The following GHR variants were observed in gnomAD, a reference collection of about 807,000 sequenced individuals.
GHR encodes the protein growth hormone receptor.
GHR carries 35 observed loss-of-function variants against 67.1 expected under a neutral mutation model. That is an observed-to-expected ratio of 0.52 (90% CI 0.40 to 0.69). The LOEUF (loss-of-function observed/expected upper bound fraction) is 0.69. Among genes scored for constraint, GHR ranks in the 30% least tolerant of loss-of-function variants. The pLI is 0.00. For synonymous variants in GHR, 272 were observed against 269.1 expected (o/e 1.01, Z -0.10); for missense variants, 792 against 764.6 (o/e 1.04, Z -0.42).
intron 1 of GHR, among the ~76,000 whole-genome samples, chr5:42,478,392 TTAAAG>T (rs1401248503): frequency 1.3e-5 from 2 of 152,150 alleles, no homozygotes; most frequent in African/African-American, 4.8e-5. Flanking sequence ...CATATGAACT[TTAAAG>T]TAGTTTTTTC....
intron 2 of GHR, among the ~76,000 whole-genome samples, chr5:42,625,166 A>C (rs1180785919): frequency 6.6e-6 from 1 of 152,090 alleles, no homozygotes; most frequent in Non-Finnish European, 1.5e-5. Context: ...GGGGCAGGTG[A>C]ATTGGACTCA....
At chr5:42,476,097 G>A (rs964618938) in intron 1 of GHR, among the ~76,000 whole-genome samples, 2 of 151,926 alleles carry the variant, frequency 1.3e-5, no homozygotes, top group African/African-American at 2.4e-5. Context: ...ATAGAGACGC[G>A]GTTTCACCGT....
chr5:42,470,453 T>C (rs1744964655), intron 1 of GHR, among the ~76,000 whole-genome samples: 1 of 152,116 alleles, frequency 6.6e-6, no homozygotes, highest in Non-Finnish European at 1.5e-5. Context: ...CATATTTGTA[T>C]TCCCAATAGA....
In GHR at chr5:42,629,949, A is replaced by T. The variant is rs1753863331; in HGVS notation, c.136+846A>T. On this transcript the variant is annotated intron_variant, in intron 3 of 9. Transcript: ENST00000230882. ...ATTGTAAGCTCTTTCTTAACCTTAA[A>T]ATGACTTTACACATTCCCCGCTGGT... is the stretch of plus-strand genomic sequence containing the variant. 1.5e-5 allele frequency among the ~76,000 whole-genome samples: 2 copies of T among 131,924 alleles called. 1 individual carries two copies. Among genetic ancestry groups the T allele is most frequent in the African/African-American group, 6.4e-5 (2 of 31,248 alleles). 86.5% of individuals were successfully genotyped at this position (131,924 alleles called of 152,430 possible).
rs540406147 is a variant in GHR at position 42,465,474 on chromosome 5, C to T, written c.-12+41519C>T. ...ATCTCTTTTGGACCCTCCTCTTTTA[C>T]CTCTTCAACTTCATTCTCCTTATTT... On this transcript the variant is annotated intron_variant, in intron 1 of 9. Transcript: ENST00000230882. 7 of 1,582,452 alleles carry T rather than the reference C, an allele frequency of 4.4e-6. No individual in the cohort carries two copies. In the African/African-American group the frequency reaches 5.4e-5, roughly 12 times the overall value.
At chr5:42,540,983 T>C (rs1748491213) in intron 1 of GHR, among the ~76,000 whole-genome samples, 1 of 151,306 alleles carries the variant, frequency 6.6e-6, no homozygotes, top group Non-Finnish European at 1.5e-5. Context: ...CATCTTCTGA[T>C]TCACAGGAAA....
intron 3 of GHR, among the ~76,000 whole-genome samples, chr5:42,671,446 A>G (rs1166573255): frequency 6.6e-6 from 1 of 152,078 alleles, no homozygotes; most frequent in East Asian, 1.9e-4. Flanking sequence ...TGGGCATTAT[A>G]TGTCAACATG....
At chr5:42,488,352 T>C (rs955456629) in intron 1 of GHR, among the ~76,000 whole-genome samples, 1 of 152,242 alleles carries the variant, frequency 6.6e-6, no homozygotes, top group Admixed American at 6.5e-5. Flanking sequence ...AACTCGTAAG[T>C]AAATGGCTTA....
intron 1 of GHR, among the ~76,000 whole-genome samples, chr5:42,553,827 C>CT (rs1749164639): frequency 6.6e-6 from 1 of 152,116 alleles, no homozygotes; most frequent in African/African-American, 2.4e-5. Flanking sequence ...CAAGTGTATT[C>CT]TTTTTATTTG....
At chr5:42,582,709 A>G (rs1281865493) in intron 2 of GHR, among the ~76,000 whole-genome samples, 1 of 152,192 alleles carries the variant, frequency 6.6e-6, no homozygotes, top group Non-Finnish European at 1.5e-5. Flanking sequence ...GACCTGTGTG[A>G]CACCCTCTTT....
At chr5:42,664,931 A>G (rs921787208) in intron 3 of GHR, among the ~76,000 whole-genome samples, 3 of 152,208 alleles carry the variant, frequency 2.0e-5, no homozygotes, top group African/African-American at 7.2e-5. Flanking sequence ...AAAAGTGGGC[A>G]AAGGACATGA....
chr5:42,549,048 A>G (rs376018423), intron 1 of GHR, among the ~76,000 whole-genome samples: 13 of 152,314 alleles, frequency 8.5e-5, no homozygotes, highest in African/African-American at 2.4e-4. Context: ...CCACAATTGC[A>G]TGTTTATTTT....
In GHR at chr5:42,424,779, G is replaced by T. The variant is rs1579672519; in HGVS notation, c.-12+824G>T. Among the ~76,000 whole-genome samples, 1 of 152,336 alleles carries T rather than the reference G, an allele frequency of 6.6e-6. No individual in the cohort carries two copies. The highest frequency in any genetic ancestry group is 1.9e-4 in the East Asian group (1 of 5,162). ...TGCGGGGCAGGGCACTTGCGAGTGC[G>T]TGGGGAAGTCTATTTGGGGCGAGTG... On this transcript the variant is annotated intron_variant, in intron 1 of 9. Coordinates refer to ENST00000230882, the MANE Select transcript of GHR (RefSeq NM_000163.5). The surrounding 1 kb of genome is among the most constrained non-coding windows in gnomAD (Gnocchi z 4.1).
chr5:42,536,757 ATGTC>A (rs1364268357), intron 1 of GHR, among the ~76,000 whole-genome samples: 2 of 152,102 alleles, frequency 1.3e-5, no homozygotes, highest in African/African-American at 4.8e-5. Context: ...TCTTCTTTGA[ATGTC>A]TGGTCAAATT....
intron 3 of GHR, among the ~76,000 whole-genome samples, chr5:42,651,719 T>C (rs1755025100): frequency 6.6e-6 from 1 of 152,158 alleles, no homozygotes; most frequent in Non-Finnish European, 1.5e-5. Flanking sequence ...AAGAGAAAGC[T>C]GATTTTATTT....
At chr5:42,654,654 T>C (rs1399946356) in intron 3 of GHR, among the ~76,000 whole-genome samples, 2 of 152,074 alleles carry the variant, frequency 1.3e-5, no homozygotes, top group Non-Finnish European at 2.9e-5. Context: ...ATAAATCAAC[T>C]AGGGGGCAAA....
chr5:42,699,462 T>C (rs1465789869), intron 5 of GHR, among the ~76,000 whole-genome samples: 2 of 152,230 alleles, frequency 1.3e-5, no homozygotes, highest in Non-Finnish European at 2.9e-5. Flanking sequence ...TAAGTCTTTC[T>C]GACTCTCTGT....
At chr5:42,651,643 G>C (rs1235764303) in intron 3 of GHR, among the ~76,000 whole-genome samples, 1 of 152,132 alleles carries the variant, frequency 6.6e-6, no homozygotes, top group Non-Finnish European at 1.5e-5. Context: ...TCCAGTAACT[G>C]TTTCTTTAAC....
intron 1 of GHR, chr5:42,469,000 A>T: frequency 3.1e-6 from 1 of 318,870 alleles, no homozygotes; most frequent in Non-Finnish European, 5.9e-6. Context: ...AGGCAAGGTA[A>T]ATTTCAAAAT....
Sources: allele counts gnomAD v4.1 joint callset (sites outside exome capture counted in the v4.1 genomes callset), GRCh38; gene constraint gnomAD v4.1.1; non-coding constraint Gnocchi (gnomAD v3.1); transcripts MANE v1.5; gene names NCBI Gene and HGNC (gene_info 2026-07-23, HGNC 2026-07-21).